The following SEMA3A variants were observed in gnomAD, a reference collection of about 807,000 sequenced individuals.
SEMA3A encodes semaphorin 3A.
SEMA3A carries 29 observed loss-of-function variants against 97.9 expected under a neutral mutation model. The ratio of observed to expected loss-of-function variants is 0.30; its 90% CI spans 0.22 to 0.40. SEMA3A has a LOEUF of 0.40. Ranked by LOEUF, SEMA3A falls within the 10% of genes least tolerant of loss-of-function variation. The pLI, the probability that SEMA3A is intolerant of heterozygous loss-of-function variation, is 1.00. For missense variants in SEMA3A, 763 were observed against 951.3 expected (o/e 0.80, Z 2.60); for synonymous variants, 321 against 323.7 (o/e 0.99, Z 0.09).
intron 4 of SEMA3A, among the ~76,000 whole-genome samples, chr7:84,096,243 G>C (rs1333702242): frequency 1.3e-5 from 2 of 152,024 alleles, no homozygotes; most frequent in Non-Finnish European, 2.9e-5. Context: ...AAGTAGCCAA[G>C]AGATTTAAAG....
At chr7:83,970,447 GCTTT>G (rs578006241) in intron 15 of SEMA3A, among the ~76,000 whole-genome samples, 41 of 152,198 alleles carry the variant, frequency 2.7e-4, no homozygotes, top group South Asian at 6.2e-4. Context: ...TCACATTTCA[GCTTT>G]CTATTTATTC....
chr7:84,224,346 A>T (rs956931389), intron 3 of SEMA3A, among the ~76,000 whole-genome samples: 1 of 151,990 alleles, frequency 6.6e-6, no homozygotes, highest in African/African-American at 2.4e-5. Context: ...GAAAAATTCA[A>T]ATATTACAGT....
chr7:84,407,044 T>C (rs1206809665), intron 1 of SEMA3A, among the ~76,000 whole-genome samples: 5 of 152,180 alleles, frequency 3.3e-5, no homozygotes, highest in Non-Finnish European at 5.9e-5. Flanking sequence ...TTGGAAGTTC[T>C]GGCCAGGGCA....
At chr7:83,998,387 T>TAA (rs1048300708) in intron 12 of SEMA3A, among the ~76,000 whole-genome samples, 1 of 152,112 alleles carries the variant, frequency 6.6e-6, no homozygotes, top group Non-Finnish European at 1.5e-5. Flanking sequence ...AAAGGTACAA[T>TAA]AAAAGTATGG....
chr7:84,375,414 C>T (rs1041697258), intron 1 of SEMA3A, among the ~76,000 whole-genome samples: 1 of 152,140 alleles, frequency 6.6e-6, no homozygotes, highest in African/African-American at 2.4e-5. Flanking sequence ...TCTAATAACC[C>T]TATGTGATGA....
At chr7:84,386,406 A>G (rs1019766592) in intron 1 of SEMA3A, among the ~76,000 whole-genome samples, 7 of 152,186 alleles carry the variant, frequency 4.6e-5, no homozygotes, top group African/African-American at 1.4e-4. Flanking sequence ...GGAGGGAGAC[A>G]GACTGAAAAA....
At chr7:84,060,188 C>A (rs1793156522) in intron 5 of SEMA3A, among the ~76,000 whole-genome samples, 2 of 152,162 alleles carry the variant, frequency 1.3e-5, no homozygotes, top group Admixed American at 1.3e-4. Context: ...CACAATGGGT[C>A]TCTGCCAACT....
At chr7:84,056,281 A>G (rs1048803560) in intron 5 of SEMA3A, among the ~76,000 whole-genome samples, 2 of 152,208 alleles carry the variant, frequency 1.3e-5, no homozygotes, top group South Asian at 2.1e-4. Flanking sequence ...AGTACGTATT[A>G]AAAACAAAAG....
intron 1 of SEMA3A, among the ~76,000 whole-genome samples, chr7:84,395,658 C>T (rs372907547): frequency 6.6e-6 from 1 of 151,916 alleles, no homozygotes; most frequent in Non-Finnish European, 1.5e-5. Flanking sequence ...TGTGTGAGTT[C>T]TAATGAGTTC....
At chr7:84,173,997 T>C (rs558771811) in intron 1 of SEMA3A, among the ~76,000 whole-genome samples, 2 of 152,266 alleles carry the variant, frequency 1.3e-5, no homozygotes, top group African/African-American at 2.4e-5. Context: ...TGGGGAGCAG[T>C]TGCTAATAAA....
intron 1 of SEMA3A, among the ~76,000 whole-genome samples, chr7:84,472,927 G>A (rs1554393518): frequency 6.6e-6 from 1 of 152,046 alleles, no homozygotes; most frequent in Non-Finnish European, 1.5e-5. Context: ...TATTAGTTTA[G>A]AGAGATCCTC....
chr7:84,154,679 GA>G (rs143774288), intron 1 of SEMA3A, among the ~76,000 whole-genome samples: 76,304 of 111,718 alleles, frequency 0.68, 23,338 homozygotes, highest in Middle Eastern at 0.75. Flanking sequence ...TAGTCTCAGG[GA>G]AAAAAAAAAA....
chr7:84,203,526 A>ATTT lies in SEMA3A; in HGVS notation c.-82-8861_-82-8859dup, dbSNP rs35519031. 2.5e-3 allele frequency among the ~76,000 whole-genome samples: 64 copies of ATTT among 25,676 alleles called. 1 individual carries two copies. Among genetic ancestry groups the ATTT allele is most frequent in the African/African-American group, 6.3e-3 (48 of 7,566 alleles). The allele number at this position is 25,676 out of a possible 152,430, so 16.8% of individuals were successfully genotyped here. On this transcript the variant is annotated intron_variant, in intron 3 of 3. Coordinates refer to the SEMA3A transcript ENST00000424555. The stretch of plus-strand genomic sequence containing the variant: ...TGTATATATATATATATATATATAT[A>ATTT]TTTTTTTTTTTTTTTTTTTTCTGAG...
chr7:84,225,418 G>A (rs1402813351), intron 3 of SEMA3A, among the ~76,000 whole-genome samples: 1 of 152,080 alleles, frequency 6.6e-6, no homozygotes, highest in African/African-American at 2.4e-5. Flanking sequence ...TATCTATTTA[G>A]AGAAAGCAAG....
intron 3 of SEMA3A, among the ~76,000 whole-genome samples, chr7:84,202,549 G>A (rs1698070508): frequency 6.6e-6 from 1 of 152,152 alleles, no homozygotes; most frequent in East Asian, 1.9e-4. Context: ...TTGGGCTGTT[G>A]ACATGACTTG....
At chr7:84,486,806 A>C (rs1258567091) in intron 1 of SEMA3A, among the ~76,000 whole-genome samples, 1 of 152,168 alleles carries the variant, frequency 6.6e-6, no homozygotes, top group Non-Finnish European at 1.5e-5. Flanking sequence ...CAGGAAAATA[A>C]GTTTGAGAGT....
At chr7:84,437,416 ATATTGT>A (rs1041210543) in intron 1 of SEMA3A, among the ~76,000 whole-genome samples, 1 of 151,976 alleles carries the variant, frequency 6.6e-6, no homozygotes, top group Non-Finnish European at 1.5e-5. Flanking sequence ...ACTTAAATTG[ATATTGT>A]TATTAAGATA....
chr7:84,486,554 A>T (rs2116444669), intron 1 of SEMA3A, among the ~76,000 whole-genome samples: 1 of 152,276 alleles, frequency 6.6e-6, no homozygotes, highest in Admixed American at 6.5e-5. Context: ...AACTTCTCAG[A>T]ATTCCTTATA....
chr7:84,456,536 C>A (rs1356626759), intron 1 of SEMA3A, among the ~76,000 whole-genome samples: 1 of 151,700 alleles, frequency 6.6e-6, no homozygotes, highest in Non-Finnish European at 1.5e-5. Flanking sequence ...AGATGTCTGA[C>A]ATTAATCAAA....
Sources: gnomAD v4.1 joint callset for allele counts (sites outside exome capture counted in the v4.1 genomes callset) on GRCh38, gnomAD v4.1.1 for gene constraint, MANE v1.5 for transcripts, NCBI Gene and HGNC (gene_info 2026-07-23, HGNC 2026-07-21) for gene names.